Variants in KCNS3 observed in about 807,000 individuals in gnomAD.
KCNS3 encodes potassium voltage-gated channel modifier subfamily S member 3.
KCNS3 carries 13 observed loss-of-function variants against 31.0 expected under a neutral mutation model. The ratio of observed to expected loss-of-function variants is 0.42; its 90% confidence interval spans 0.27 to 0.67. The LOEUF (loss-of-function observed/expected upper bound fraction) is 0.67. KCNS3 is among the 30% of genes least tolerant of loss of function. The pLI is 0.25. For synonymous variants in KCNS3, 238 were observed against 241.5 expected (o/e 0.99, Z 0.13); for missense variants, 545 against 622.4 (o/e 0.88, Z 1.32).
chr2:17,907,650 G>C (rs906840496), intron 1 of KCNS3, among the ~76,000 whole-genome samples: 2 of 152,084 alleles, frequency 1.3e-5, no homozygotes, highest in Non-Finnish European at 2.9e-5. Flanking sequence ...TGTAAGGCAG[G>C]CCTGGTGGTG....
chr2:17,880,601 C>CCCATAA (rs1294188900), intron 1 of KCNS3, among the ~76,000 whole-genome samples: 1 of 152,184 alleles, frequency 6.6e-6, no homozygotes, highest in African/African-American at 2.4e-5. Flanking sequence ...TTTTGTCTGA[C>CCCATAA]CCATAATTGC....
intron 1 of KCNS3, among the ~76,000 whole-genome samples, chr2:17,893,102 T>C (rs1661898077): frequency 6.6e-6 from 1 of 152,116 alleles, no homozygotes; most frequent in African/African-American, 2.4e-5. Flanking sequence ...GGTCTTGCTG[T>C]GGCTGCTGTG....
At chr2:17,921,937 A>G (rs199549903) in intron 2 of KCNS3, among the ~76,000 whole-genome samples, 2 of 83,986 alleles carry the variant, frequency 2.4e-5, no homozygotes, top group African/African-American at 9.2e-5. Context: ...ATATATATAT[A>G]TATATATATA....
chr2:17,877,939 C>T (rs1393615487), upstream of KCNS3: 5 of 152,328 alleles, frequency 3.3e-5, no homozygotes, highest in Non-Finnish European at 5.9e-5. Context: ...GCATCGTCCC[C>T]TGACTTCCTC....
At position 17,902,573 on chromosome 2, in the gene KCNS3, A is replaced by G. The variant is rs182434408; in HGVS notation, c.-251-15107A>G. 2.6e-5 allele frequency among the ~76,000 whole-genome samples: 4 copies of G among 152,346 alleles called. No homozygotes were observed. In the East Asian group the frequency reaches 7.7e-4, roughly 29 times the overall value. ...TAGGATGGGATAAAGTGCTTTTTAT[A>G]CATCTATGCGAAGACAGCCCTGCCC... On this transcript the variant is annotated intron_variant, in intron 1 of 2. Coordinates refer to ENST00000304101, the MANE Select transcript of KCNS3 (RefSeq NM_002252.5).
intron 1 of KCNS3, among the ~76,000 whole-genome samples, chr2:17,909,099 G>A (rs1034880536): frequency 2.0e-5 from 3 of 152,222 alleles, no homozygotes; most frequent in Non-Finnish European, 2.9e-5. Flanking sequence ...GCTGCAGTGG[G>A]CTCCACCCAG....
intron 1 of KCNS3, among the ~76,000 whole-genome samples, chr2:17,899,237 GAC>G (rs1243096769): frequency 6.6e-6 from 1 of 151,590 alleles, no homozygotes; most frequent in African/African-American, 2.4e-5. Flanking sequence ...AAATACAAAA[GAC>G]AAAACAAAAC....
chr2:17,896,182 A>G (rs947116088), intron 1 of KCNS3, among the ~76,000 whole-genome samples: 8 of 152,128 alleles, frequency 5.3e-5, no homozygotes, highest in African/African-American at 1.7e-4. Flanking sequence ...AGCTGGGACT[A>G]TAGGCTGGTA....
intron 1 of KCNS3, among the ~76,000 whole-genome samples, chr2:17,911,802 C>A (rs1014132005): frequency 1.3e-5 from 2 of 152,116 alleles, no homozygotes; most frequent in Non-Finnish European, 2.9e-5. Flanking sequence ...TGTTTGGATT[C>A]GAATCATGGA....
chr2:17,927,264 C>T (rs1354450327), intron 2 of KCNS3, among the ~76,000 whole-genome samples: 1 of 152,202 alleles, frequency 6.6e-6, no homozygotes, highest in East Asian at 1.9e-4. Context: ...TCACTACCAG[C>T]ATTTTGGCCA....
chr2:17,931,726 C>A lies in KCNS3; in HGVS notation c.718C>A (p.Arg240=), dbSNP rs770320711. 1.2e-6 allele frequency: 2 copies of A among 1,613,918 alleles called. No individual in the cohort carries two copies. Among genetic ancestry groups the A allele is most frequent in the Non-Finnish European group, 8.5e-7 (1 of 1,179,876 alleles). The part of the protein sequence containing the change: ...IAWFTGELAV[R]LAAAPCQKKF... ...CTGGTTCACCGGGGAGCTTGCCGTCCGGCTGGCTGCCGCTCCTTGTCAAAA... is the reference window on the plus strand; with the variant it reads ...CTGGTTCACCGGGGAGCTTGCCGTCAGGCTGGCTGCCGCTCCTTGTCAAAA... The change falls in exon 3 of 3, where the codon CGG becomes AGG. Residue 240 remains arginine (R), a synonymous_variant. Transcript: ENST00000304101. The surrounding 1 kb of genome is among the most constrained non-coding windows in gnomAD (Gnocchi z 5.4).
chr2:17,885,727 T>C (rs1295626966), intron 1 of KCNS3, among the ~76,000 whole-genome samples: 1 of 152,208 alleles, frequency 6.6e-6, no homozygotes, highest in African/African-American at 2.4e-5. Context: ...GCAGTCTGCT[T>C]TACTCAAAGT....
Position 17,931,076 on chromosome 2 carries a change from G to T in KCNS3, c.68G>T (p.Gly23Val), listed in dbSNP as rs1462202205. The change falls in exon 3 of 3, where the codon GGC (glycine) becomes GTC (valine). Residue 23 changes from glycine (G) to valine (V), a missense_variant. Transcript: ENST00000304101. This position sits in a 1 kb window ranked among gnomAD's most constrained non-coding sequence, Gnocchi z 5.4. ...GAACTTGTCAACCTGAATGTGGGGG[G>T]CTTTAAGCAGTCTGTTGACCAAAGC... ...DEELVNLNVG[G>V]FKQSVDQSTL... is the part of the protein sequence containing the mutation. 1 of 1,614,072 alleles carries T rather than the reference G, an allele frequency of 6.2e-7. No individual in the cohort carries two copies. The highest frequency in any genetic ancestry group is 1.1e-5 in the South Asian group (1 of 91,082).
intron 1 of KCNS3, among the ~76,000 whole-genome samples, chr2:17,900,261 G>A (rs1038848695): frequency 3.9e-5 from 6 of 152,176 alleles, no homozygotes; most frequent in African/African-American, 1.4e-4. Context: ...GAGACAATGA[G>A]TAAACTGTTC....
chr2:17,887,574 G>A (rs543263557), intron 1 of KCNS3, among the ~76,000 whole-genome samples: 1 of 150,590 alleles, frequency 6.6e-6, no homozygotes, highest in African/African-American at 2.4e-5. Context: ...TCCACTCATT[G>A]ATTGATGGGC....
intron 1 of KCNS3, among the ~76,000 whole-genome samples, chr2:17,886,341 A>T (rs926597224): frequency 6.6e-6 from 1 of 152,200 alleles, no homozygotes; most frequent in Non-Finnish European, 1.5e-5. Context: ...GGAGAACTTC[A>T]TGGTTGAATA....
chr2:17,884,355 T>C (rs2125231203), intron 1 of KCNS3, among the ~76,000 whole-genome samples: 2 of 146,994 alleles, frequency 1.4e-5, no homozygotes, highest in African/African-American at 5.1e-5. Flanking sequence ...TTAGGTCAAG[T>C]TCAAGGTCTT....
chr2:17,884,191 C>G (rs532235734), intron 1 of KCNS3, among the ~76,000 whole-genome samples: 2 of 146,206 alleles, frequency 1.4e-5, no homozygotes, highest in East Asian at 4.2e-4. Flanking sequence ...ACCAACATGG[C>G]ACATGTATAC....
chr2:17,890,702 C>T (rs1572480639), intron 1 of KCNS3, among the ~76,000 whole-genome samples: 2 of 152,142 alleles, frequency 1.3e-5, no homozygotes, highest in East Asian at 3.8e-4. Flanking sequence ...CATTTAGGAG[C>T]AGGTTATTTA....
Sources: gnomAD v4.1 joint callset for allele counts (sites outside exome capture counted in the v4.1 genomes callset) on GRCh38, gnomAD v4.1.1 for gene constraint, Gnocchi (gnomAD v3.1) non-coding constraint, MANE v1.5 for transcripts, NCBI Gene and HGNC (gene_info 2026-07-23, HGNC 2026-07-21) for gene names.